TNRC6B: variants seen among roughly 807,000 people sequenced by gnomAD.
TNRC6B encodes trinucleotide repeat containing adaptor 6B.
TNRC6B carries 52 observed loss-of-function variants against 203.6 expected under a neutral mutation model. The ratio of observed to expected loss-of-function variants is 0.26; its 90% CI spans 0.20 to 0.32. TNRC6B has a LOEUF of 0.32. Ranked by LOEUF, TNRC6B falls within the 10% of genes least tolerant of loss-of-function variation. The pLI, the probability that TNRC6B is intolerant of heterozygous loss-of-function variation, is 1.00. For missense variants in TNRC6B, 1,923 were observed against 2,286.2 expected (o/e 0.84, Z 3.24); for synonymous variants, 838 against 845.7 (o/e 0.99, Z 0.16).
chr22:40,194,781 G>A (rs1190622581), intron 1 of TNRC6B, among the ~76,000 whole-genome samples: 4 of 152,218 alleles, frequency 2.6e-5, no homozygotes, highest in Non-Finnish European at 5.9e-5. Context: ...AGAAAAGCCA[G>A]AGTGGCTGGT....
At chr22:40,122,022 GC>G (rs1309574817) in intron 2 of TNRC6B, among the ~76,000 whole-genome samples, 1 of 152,130 alleles carries the variant, frequency 6.6e-6, no homozygotes, top group African/African-American at 2.4e-5. Context: ...CTTAACAGAA[GC>G]CTCAAAAATG....
At chr22:40,119,643 CTCA>C (rs1248549067) in intron 2 of TNRC6B, among the ~76,000 whole-genome samples, 1 of 152,184 alleles carries the variant, frequency 6.6e-6, no homozygotes, top group African/African-American at 2.4e-5. Flanking sequence ...TGTGTGTTGT[CTCA>C]TCATCTCATG....
In TNRC6B at chr22:40,331,049, T is replaced by C. The variant is rs1264836454; in HGVS notation, c.*7808T>C. 6.5e-6 allele frequency: 1 copy of C among 152,674 alleles called. No individual in the cohort carries two copies. Among genetic ancestry groups the C allele is most frequent in the Non-Finnish European group, 1.5e-5 (1 of 68,044 alleles). 9.5% of individuals were successfully genotyped at this position (152,674 alleles called of 1,614,324 possible). A position where few individuals can be genotyped will look rare whatever the true frequency, so the allele number is the denominator to read the frequency against. On this transcript the variant is annotated 3_prime_UTR_variant, in exon 23 of 23. Coordinates refer to ENST00000454349, the MANE Select transcript of TNRC6B (RefSeq NM_001162501.2). ...CTTTGGCTGTTTTGTTTTTTGTTTT[T>C]CTGTAAGCACTGGAGAATTGGAATA...
At chr22:40,060,785 T>C (rs558272402) in intron 1 of TNRC6B, among the ~76,000 whole-genome samples, 1 of 152,216 alleles carries the variant, frequency 6.6e-6, no homozygotes, top group South Asian at 2.1e-4. Flanking sequence ...GAACAAGTTG[T>C]AACAATATGT....
chr22:40,113,213 A>G (rs11912083), intron 1 of TNRC6B, among the ~76,000 whole-genome samples: 5,923 of 152,292 alleles, frequency 0.039, 384 homozygotes, highest in African/African-American at 0.14. Context: ...GACAGACAGT[A>G]TTTTTACAGA....
chr22:40,296,661 T>C (rs2070948229), intron 12 of TNRC6B, among the ~76,000 whole-genome samples: 1 of 150,484 alleles, frequency 6.6e-6, no homozygotes, highest in South Asian at 2.1e-4. Flanking sequence ...GGTGTTTCTC[T>C]CTGGTGTCCA....
chr22:40,205,413 T>TA (rs2069466037), intron 1 of TNRC6B, among the ~76,000 whole-genome samples: 1 of 152,206 alleles, frequency 6.6e-6, no homozygotes, highest in Non-Finnish European at 1.5e-5. Context: ...TTCTGTGGCT[T>TA]ATAGATTAAG....
At chr22:40,225,013 C>G (rs185135238) in intron 1 of TNRC6B, among the ~76,000 whole-genome samples, 14 of 152,338 alleles carry the variant, frequency 9.2e-5, no homozygotes, top group Non-Finnish European at 1.8e-4. Flanking sequence ...AACACAGCCT[C>G]TCTTCAAGAT....
At chr22:40,045,073 G>A (rs2067674275) in intron 1 of TNRC6B, 2 of 145,384 alleles carry the variant, frequency 1.4e-5, no homozygotes, top group South Asian at 2.1e-4. Context: ...GCGGCCGGGG[G>A]TCGGCGAGGG....
Position 40,266,034 on chromosome 22 carries a change from G to A in TNRC6B, c.1804G>A (p.Ala602Thr), listed in dbSNP as rs534636986. The A allele has an allele frequency of 3.1e-6, 5 of 1,613,676 alleles. No homozygotes were observed. Among genetic ancestry groups the A allele is most frequent in the South Asian group, 2.2e-5 (2 of 91,086 alleles). Residue 602 changes from alanine (A) to threonine (T), a missense_variant, in exon 5 of 23, where the codon GCT becomes ACT. Around this residue, in one of 8 missense-constraint regions of TNRC6B, gnomAD observed 614 missense variants for 587.7 expected, o/e 1.04. Coordinates refer to ENST00000454349, the MANE Select transcript of TNRC6B (RefSeq NM_001162501.2). ...CAGGCCCACACATCCTGATTGTCAG[G>A]CTGTCTTGCAGACTCTTTTGAGCCG... ...SYRPTHPDCQ[A>T]VLQTLLSRTD...
At chr22:40,072,641 A>G (rs934281543) in intron 1 of TNRC6B, among the ~76,000 whole-genome samples, 7 of 152,288 alleles carry the variant, frequency 4.6e-5, no homozygotes, top group African/African-American at 1.7e-4. Flanking sequence ...AGGAGGGCAG[A>G]TCACCTGAGG....
chr22:40,202,024 A>T (rs996412901), intron 1 of TNRC6B, among the ~76,000 whole-genome samples: 2 of 152,146 alleles, frequency 1.3e-5, no homozygotes, highest in Non-Finnish European at 2.9e-5. Flanking sequence ...TGAAAGGGTC[A>T]CGTAATGTTA....
intron 1 of TNRC6B, among the ~76,000 whole-genome samples, chr22:40,052,205 G>C (rs368053327): frequency 1.3e-5 from 2 of 152,080 alleles, no homozygotes; most frequent in East Asian, 1.9e-4. Flanking sequence ...TTAAGTTCTC[G>C]TCATATTCTC....
At position 40,048,112 on chromosome 22, in the gene TNRC6B, T is replaced by C. The variant is rs542365976; in HGVS notation, c.-121+3114T>C. On this transcript the variant is annotated intron_variant, in intron 1 of 23. Transcript: ENST00000301923. The stretch of plus-strand genomic sequence containing the variant: ...TTCTACTATCATGTTTGAGCTTCTG[T>C]TCCTCTCACTTCCAGAGTTCTGAAA... Among the ~76,000 whole-genome samples the C allele has an allele frequency of 2.0e-5, 3 of 152,336 alleles. No homozygotes were observed. The South Asian group carries it at 6.2e-4, about 32-fold the overall frequency.
At chr22:40,276,817 A>G (rs1182443716) in intron 7 of TNRC6B, 5 of 306,502 alleles carry the variant, frequency 1.6e-5, no homozygotes, top group Non-Finnish European at 3.0e-5. Context: ...TTTCTATTTG[A>G]AAAGCAAAAG....
chr22:40,300,804 A>G, intron 13 of TNRC6B, 106 bp from the exon 14 acceptor site: 1 of 1,251,518 alleles, frequency 8.0e-7, no homozygotes, highest in South Asian at 1.5e-5. Flanking sequence ...CCTCCTGGAT[A>G]CTTTTGATTG....
At chr22:40,285,869 A>G in intron 12 of TNRC6B, 99 bp downstream of exon 12, 4 of 1,443,112 alleles carry the variant, frequency 2.8e-6, no homozygotes, top group Non-Finnish European at 2.8e-6. Flanking sequence ...AATGATAGTA[A>G]GTAGCATAAA....
intron 1 of TNRC6B, among the ~76,000 whole-genome samples, chr22:40,093,219 C>T (rs2068162800): frequency 6.6e-6 from 1 of 152,080 alleles, no homozygotes; most frequent in Non-Finnish European, 1.5e-5. Context: ...AAATTAGACA[C>T]AAGTGAAGCA....
intron 3 of TNRC6B, among the ~76,000 whole-genome samples, chr22:40,142,954 T>G (rs923502115): frequency 3.9e-5 from 6 of 152,312 alleles, no homozygotes; most frequent in East Asian, 1.9e-4. Flanking sequence ...GAGCTAACTG[T>G]GGGGGCTAAA....
Sources: gnomAD v4.1 joint callset for allele counts (sites outside exome capture counted in the v4.1 genomes callset) on GRCh38, gnomAD v4.1.1 for gene constraint, gnomAD v4.1.1 regional missense constraint, MANE v1.5 for transcripts, NCBI Gene and HGNC (gene_info 2026-07-23, HGNC 2026-07-21) for gene names.